The following ROBO2 variants were observed in gnomAD, a reference collection of about 807,000 sequenced individuals.
The protein encoded by ROBO2 is roundabout guidance receptor 2.
Under a neutral mutation model 160.8 loss-of-function variants are expected in ROBO2, and 53 were observed. That is an observed-to-expected ratio of 0.33 (90% CI 0.26 to 0.41). ROBO2 has a LOEUF of 0.41. ROBO2 is among the 10% of genes least tolerant of loss of function. The pLI, the probability that ROBO2 is intolerant of heterozygous loss-of-function variation, is 1.00. For synonymous variants in ROBO2, 664 were observed against 611.7 expected (o/e 1.09, Z -1.26); for missense variants, 1,577 against 1,722.4 (o/e 0.92, Z 1.49).
At chr3:77,517,977 C>T (rs2153623222) in intron 5 of ROBO2, among the ~76,000 whole-genome samples, 1 of 151,520 alleles carries the variant, frequency 6.6e-6, no homozygotes, top group Non-Finnish European at 1.5e-5. Flanking sequence ...GATTATTGTA[C>T]AGTATATGGT....
rs370100293 is a variant in ROBO2 at position 77,212,121 on chromosome 3, G to A, written c.388+113781G>A. ...TTCCAATTCTGTGAAGAAAGTCATT[G>A]GTAGCTTGATGGGGATGGCATTGAA... On this transcript the variant is annotated intron_variant, in intron 2 of 25. Transcript: ENST00000461745. Among the ~76,000 whole-genome samples, 199 of 152,248 alleles carry A rather than the reference G, an allele frequency of 1.3e-3. 5 individuals are homozygous for A. The South Asian group carries it at 0.041, about 31-fold the overall frequency.
chr3:77,088,872 TA>T (rs751603754), intron 1 of ROBO2, among the ~76,000 whole-genome samples: 1 of 152,178 alleles, frequency 6.6e-6, no homozygotes, highest in Admixed American at 6.5e-5. Context: ...GTGTATTTTT[TA>T]AAGTATGTAC....
In ROBO2 at chr3:76,630,302, G is replaced by C. The variant is rs2089950205; in HGVS notation, c.110-467712G>C. Reference sequence around the variant, plus strand: ...GCAGTGGGGTGGTGTCCTGTCCAGGGTTGGTTCCTGCCCTGAGCTTGTGCC... The same window carrying C: ...GCAGTGGGGTGGTGTCCTGTCCAGGCTTGGTTCCTGCCCTGAGCTTGTGCC... On this transcript the variant is annotated intron_variant, in intron 2 of 26. Coordinates refer to the ROBO2 transcript ENST00000487694. 1.4e-5 allele frequency among the ~76,000 whole-genome samples: 2 copies of C among 145,408 alleles called. 1 individual carries two copies. The highest frequency in any genetic ancestry group is 3.9e-4 in the East Asian group (2 of 5,166).
At chr3:77,531,448 A>G (rs2091721557) in intron 6 of ROBO2, among the ~76,000 whole-genome samples, 2 of 151,878 alleles carry the variant, frequency 1.3e-5, no homozygotes, top group African/African-American at 4.8e-5. Context: ...AATTAAATAT[A>G]CTATTTTAGA....
intron 2 of ROBO2, among the ~76,000 whole-genome samples, chr3:77,323,468 T>A (rs989942616): frequency 2.0e-5 from 3 of 152,168 alleles, no homozygotes; most frequent in Non-Finnish European, 2.9e-5. Context: ...GACCTGTTCT[T>A]TCTTCCAAAA....
At chr3:76,525,756 T>C (rs751364768) in intron 2 of ROBO2, among the ~76,000 whole-genome samples, 10 of 152,028 alleles carry the variant, frequency 6.6e-5, no homozygotes, top group Non-Finnish European at 1.5e-4. Context: ...ATAGTATAAT[T>C]AACATTGTAT....
rs149793419 is a variant in ROBO2 at position 76,957,848 on chromosome 3, G to A, written c.110-140166G>A. 7.1e-3 allele frequency among the ~76,000 whole-genome samples: 1,075 copies of A among 151,070 alleles called. 9 individuals are homozygous for A. The highest frequency in any genetic ancestry group is 0.035 in the Middle Eastern group (10 of 288). On this transcript the variant is annotated intron_variant, in intron 2 of 26. Coordinates refer to the ROBO2 transcript ENST00000487694. ...TCTGTCTCAAAAAAAAAAAAAAAGT[G>A]ATAAAATTTAACTCTAGATGAATTT... is the stretch of plus-strand genomic sequence containing the variant.
At chr3:76,073,268 T>G (rs1428789552) in intron 2 of ROBO2, among the ~76,000 whole-genome samples, 1 of 5,704 alleles carries the variant, frequency 1.8e-4, no homozygotes, top group Non-Finnish European at 3.2e-4. Flanking sequence ...ATGAGTATTC[T>G]TTTTTTTTTT....
Position 76,444,269 on chromosome 3 carries a change from C to T in ROBO2, c.109+506667C>T, listed in dbSNP as rs946129617. Among the ~76,000 whole-genome samples, 7 of 152,102 alleles carry T rather than the reference C, an allele frequency of 4.6e-5. No individual in the cohort carries two copies. In the East Asian group the frequency reaches 5.8e-4, roughly 13 times the overall value. On this transcript the variant is annotated intron_variant, in intron 2 of 26. Coordinates refer to the ROBO2 transcript ENST00000487694. ...CTGGGATTACAGGCGTGAGGCACTGCGCCTGTCCTAAAAATTATTTTAAGA... is the reference window on the plus strand; with the variant it reads ...CTGGGATTACAGGCGTGAGGCACTGTGCCTGTCCTAAAAATTATTTTAAGA...
At chr3:76,515,312 T>C (rs1404593033) in intron 2 of ROBO2, among the ~76,000 whole-genome samples, 1 of 152,152 alleles carries the variant, frequency 6.6e-6, no homozygotes, top group African/African-American at 2.4e-5. Flanking sequence ...AGGGAAAAAA[T>C]GAAGTCATGT....
chr3:76,518,275 T>C (rs77353459), intron 2 of ROBO2, among the ~76,000 whole-genome samples: 2 of 151,986 alleles, frequency 1.3e-5, no homozygotes, highest in South Asian at 2.1e-4. Context: ...CCACTGGGAG[T>C]TGACTCATCA....
intron 2 of ROBO2, among the ~76,000 whole-genome samples, chr3:77,023,775 C>T (rs370901662): frequency 6.6e-6 from 1 of 152,168 alleles, no homozygotes; most frequent in South Asian, 2.1e-4. Context: ...ATGAAATTCT[C>T]ATGCTAAAGT....
chr3:76,158,266 T>C (rs1406006281), intron 2 of ROBO2, among the ~76,000 whole-genome samples: 1 of 152,134 alleles, frequency 6.6e-6, no homozygotes, highest in Non-Finnish European at 1.5e-5. Flanking sequence ...TCCTTGACTT[T>C]CTTTCTCTCC....
chr3:76,163,658 G>GT (rs1048643394), intron 2 of ROBO2, among the ~76,000 whole-genome samples: 1 of 151,482 alleles, frequency 6.6e-6, no homozygotes, highest in Non-Finnish European at 1.5e-5. Context: ...AGAAATTATT[G>GT]TTTTTTTCAA....
intron 21 of ROBO2, among the ~76,000 whole-genome samples, chr3:77,609,485 T>C (rs2094584643): frequency 6.6e-6 from 1 of 152,064 alleles, no homozygotes; most frequent in African/African-American, 2.4e-5. Flanking sequence ...GTTAAAGCTT[T>C]ATATGCATAA....
chr3:76,019,499 G>A (rs2066506931), intron 2 of ROBO2, among the ~76,000 whole-genome samples: 1 of 151,366 alleles, frequency 6.6e-6, no homozygotes, highest in Non-Finnish European at 1.5e-5. Flanking sequence ...CCTTCGAATT[G>A]GCTAATATTT....
chr3:77,160,100 C>T (rs986248675), intron 2 of ROBO2, among the ~76,000 whole-genome samples: 6 of 130,118 alleles, frequency 4.6e-5, no homozygotes, highest in African/African-American at 1.3e-4. Context: ...CCCTGTTCAC[C>T]ACAAACACAA....
At chr3:76,774,584 A>T (rs2062116818) in intron 2 of ROBO2, among the ~76,000 whole-genome samples, 1 of 150,882 alleles carries the variant, frequency 6.6e-6, no homozygotes, top group East Asian at 2.0e-4. Flanking sequence ...TTAAAAAGGC[A>T]AGCTGTAAAA....
intron 20 of ROBO2, chr3:77,603,922 T>C (rs2094477457): frequency 6.6e-6 from 1 of 152,214 alleles, no homozygotes; most frequent in South Asian, 2.1e-4. Flanking sequence ...TTGTTTGTAC[T>C]GAGATTTTGT....
Sources: gnomAD v4.1 joint callset for allele counts (sites outside exome capture counted in the v4.1 genomes callset) on GRCh38, gnomAD v4.1.1 for gene constraint, MANE v1.5 for transcripts, NCBI Gene and HGNC (gene_info 2026-07-23, HGNC 2026-07-21) for gene names.